The following AKAP9 variants were observed in gnomAD, a reference collection of about 807,000 sequenced individuals.
AKAP9 encodes A-kinase anchoring protein 9, also known as A-kinase anchor protein 9.
A neutral mutation model predicts 488.5 loss-of-function variants in AKAP9; 311 were observed. That is an observed-to-expected ratio of 0.64 (90% CI 0.58 to 0.70). The LOEUF (loss-of-function observed/expected upper bound fraction) is 0.70. AKAP9 is among the 30% of genes least tolerant of loss of function. AKAP9 has a pLI of 0.00. For missense variants in AKAP9, 4,215 were observed against 4,374.5 expected (o/e 0.96, Z 1.03); for synonymous variants, 1,462 against 1,483.5 (o/e 0.99, Z 0.33).
chr7:91,996,320 C>A (rs1798401323), intron 7 of AKAP9, among the ~76,000 whole-genome samples: 1 of 152,122 alleles, frequency 6.6e-6, no homozygotes, highest in Non-Finnish European at 1.5e-5. Context: ...ATGTGTATCA[C>A]ATTGATTATA....
intron 45 of AKAP9, among the ~76,000 whole-genome samples, 158 bp from the exon 46 acceptor site, chr7:92,102,436 G>A (rs1189701827): frequency 7.1e-6 from 1 of 140,466 alleles, no homozygotes; most frequent in African/African-American, 2.6e-5. Context: ...ATAGGAACCT[G>A]CCGTTTTACT....
rs574845229 is a variant in AKAP9 at position 92,102,966 on chromosome 7, C to CT, written c.11330+149dup. ...ATGTGCCATCACTGAAGCATGTCTG[C>CT]TTTTTTTTTCTAGGTTTTCATTCAT... On this transcript the variant is annotated intron_variant, in intron 46 of 49. Coordinates refer to ENST00000356239, the MANE Select transcript of AKAP9 (RefSeq NM_005751.5). 1,592 of 763,746 alleles carry CT rather than the reference C, an allele frequency of 2.1e-3. 5 individuals are homozygous for CT. The highest frequency in any genetic ancestry group is 8.2e-3 in the African/African-American group (464 of 56,536). 47.3% of individuals were successfully genotyped at this position (763,746 alleles called of 1,614,324 possible). A position where few individuals can be genotyped will look rare whatever the true frequency, so the allele number is the denominator to read the frequency against.
chr7:92,078,950 ATGTC>A (rs1813062085), intron 30 of AKAP9, 125 bp from the exon 31 acceptor site: 1 of 595,622 alleles, frequency 1.7e-6, no homozygotes, highest in Non-Finnish European at 2.9e-6. Context: ...ATTAAGTAGT[ATGTC>A]TGAGAAGTAG....
At chr7:92,078,643 A>G (rs1357186599) in intron 30 of AKAP9, among the ~76,000 whole-genome samples, 1 of 151,668 alleles carries the variant, frequency 6.6e-6, no homozygotes, top group Admixed American at 6.6e-5. Flanking sequence ...CCCTCCTAAT[A>G]TTGTCATAGG....
At chr7:92,095,404 C>T (rs570213286) in intron 40 of AKAP9, among the ~76,000 whole-genome samples, 1 of 152,268 alleles carries the variant, frequency 6.6e-6, no homozygotes, top group South Asian at 2.1e-4. Context: ...TGCATATAGA[C>T]TGCTCTGCTG....
intron 3 of AKAP9, 63 bp from the exon 4 acceptor site, chr7:91,992,088 ACAGAAAT>A: frequency 7.8e-7 from 1 of 1,276,384 alleles, no homozygotes; most frequent in Non-Finnish European, 1.1e-6. Flanking sequence ...AATACAGTTA[ACAGAAAT>A]ATTGTTAGCT....
chr7:92,045,844 T>C (rs2130791633), intron 21 of AKAP9, among the ~76,000 whole-genome samples: 1 of 145,850 alleles, frequency 6.9e-6, no homozygotes, highest in African/African-American at 2.5e-5. Flanking sequence ...TTTTTTTTTT[T>C]TTTTTTTGAG....
Position 92,085,430 on chromosome 7 carries a change from T to C in AKAP9, c.8833-65T>C, listed in dbSNP as rs1324994896. 5 of 1,438,226 alleles carry C rather than the reference T, an allele frequency of 3.5e-6. No individual in the cohort carries two copies. The African/African-American group carries it at 7.0e-5, about 20-fold the overall frequency. 89.1% of individuals were successfully genotyped at this position (1,438,226 alleles called of 1,614,324 possible). ...CTTGCTTAAAATTTATTTCTGTTTGTAAGTCTAATTTTTCAGTCTGTGAAG... is the reference window on the plus strand; with the variant it reads ...CTTGCTTAAAATTTATTTCTGTTTGCAAGTCTAATTTTTCAGTCTGTGAAG... On this transcript the variant is annotated intron_variant, in intron 35 of 49. Transcript: ENST00000356239.
At chr7:92,029,117 T>C (rs1393031684) in intron 14 of AKAP9, among the ~76,000 whole-genome samples, 1 of 150,326 alleles carries the variant, frequency 6.7e-6, no homozygotes, top group Non-Finnish European at 1.5e-5. Flanking sequence ...TATAATTTGC[T>C]CCTTTTTTTT....
In AKAP9 at chr7:92,110,250, A is replaced by G. The variant is rs1819135893; in HGVS notation, c.*91A>G. 4.0e-6 allele frequency: 4 copies of G among 1,002,044 alleles called. No individual in the cohort carries two copies. Among genetic ancestry groups the G allele is most frequent in the South Asian group, 1.4e-5 (1 of 73,344 alleles). The allele number at this position is 1,002,044 out of a possible 1,614,324, so 62.1% of individuals were successfully genotyped here. ...TTGTGCTTTTGTATTGTGAATATTC[A>G]ATGGGACCAATATGAACACAGCTTA... is the stretch of plus-strand genomic sequence containing the variant. On this transcript the variant is annotated 3_prime_UTR_variant, in exon 50 of 50. Transcript: ENST00000356239.
Position 92,081,473 on chromosome 7 carries a change from TTATATA to T in AKAP9, c.8020-1029_8020-1024del, listed in dbSNP as rs372040821. On this transcript the variant is annotated intron_variant, in intron 31 of 49. Transcript: ENST00000356239. ...ACACGCACCACCACACCCGGCTAAT[TTATATA>T]TATATATATATATATATATTTTTTT... 1.0e-4 allele frequency among the ~76,000 whole-genome samples: 12 copies of T among 120,402 alleles called. No individual in the cohort carries two copies. The South Asian group carries it at 1.1e-3, about 11-fold the overall frequency. 79.0% of individuals were successfully genotyped at this position (120,402 alleles called of 152,430 possible). A position where few individuals can be genotyped will look rare whatever the true frequency, so the allele number is the denominator to read the frequency against.
intron 14 of AKAP9, among the ~76,000 whole-genome samples, chr7:92,028,028 A>C (rs534197399): frequency 2.0e-5 from 3 of 152,166 alleles, no homozygotes; most frequent in South Asian, 2.1e-4. Context: ...GTGCTGTGTC[A>C]ACTCAGGGTT....
chr7:92,052,090 C>T (rs779786088), intron 21 of AKAP9, among the ~76,000 whole-genome samples: 9 of 152,150 alleles, frequency 5.9e-5, no homozygotes, highest in Non-Finnish European at 1.2e-4. Flanking sequence ...CCTCTTAAAA[C>T]AGTAGCAAGC....
intron 1 of AKAP9, among the ~76,000 whole-genome samples, chr7:91,961,304 G>T (rs904043003): frequency 1.3e-5 from 2 of 151,534 alleles, no homozygotes; most frequent in Non-Finnish European, 2.9e-5. Context: ...CTGTAATCCC[G>T]AGTAGCTGGG....
rs184402397 is a variant in AKAP9 at position 92,063,817 on chromosome 7, A to G, written c.5977+1331A>G. 2.0e-4 allele frequency among the ~76,000 whole-genome samples: 31 copies of G among 152,140 alleles called. No homozygotes were observed. In the East Asian group the frequency reaches 2.3e-3, roughly 11 times the overall value. ...GTTTTTTGAGATGGAGTCTTGCTCAATCACCCAGGCTAGAGTGCAGTGGTC... is the reference window on the plus strand; with the variant it reads ...GTTTTTTGAGATGGAGTCTTGCTCAGTCACCCAGGCTAGAGTGCAGTGGTC... On this transcript the variant is annotated intron_variant, in intron 24 of 49. Transcript: ENST00000356239.
At chr7:91,995,860 A>G (rs1175396615) in intron 7 of AKAP9, 60 bp downstream of exon 7, 1 of 1,320,796 alleles carries the variant, frequency 7.6e-7, no homozygotes, top group Non-Finnish European at 1.0e-6. Flanking sequence ...CAAGTTTTTT[A>G]TGCAAGTGGT....
At chr7:92,003,506 GAGTTTGTATAACTT>G (rs1188741289) in intron 8 of AKAP9, among the ~76,000 whole-genome samples, 3 of 151,852 alleles carry the variant, frequency 2.0e-5, no homozygotes, top group Non-Finnish European at 4.4e-5. Flanking sequence ...GGAAAGACAA[GAGTTTGTATAACTT>G]TATGGAGAAT....
chr7:91,944,794 A>G (rs998158548), intron 1 of AKAP9, among the ~76,000 whole-genome samples: 1 of 152,228 alleles, frequency 6.6e-6, no homozygotes, highest in African/African-American at 2.4e-5. Context: ...GCACAGAATA[A>G]CTAGGTTTCC....
chr7:92,093,377 C>A, intron 39 of AKAP9, 61 bp downstream of exon 39: 1 of 1,416,288 alleles, frequency 7.1e-7, no homozygotes, highest in Non-Finnish European at 9.9e-7. Flanking sequence ...TTGTCATAAA[C>A]ACTGTGCAAA....
Sources: gnomAD v4.1 joint callset for allele counts (sites outside exome capture counted in the v4.1 genomes callset) on GRCh38, gnomAD v4.1.1 for gene constraint, MANE v1.5 for transcripts, NCBI Gene and HGNC (gene_info 2026-07-23, HGNC 2026-07-21) for gene names.